The following RARB variants were observed in gnomAD, a reference collection of about 807,000 sequenced individuals.
RARB encodes the protein HBV-activated protein.
Under a neutral mutation model 51.9 loss-of-function variants are expected in RARB, and 17 were observed. The ratio of observed to expected loss-of-function variants is 0.33; its 90% confidence interval spans 0.22 to 0.49. RARB has a LOEUF of 0.49. Ranked by LOEUF, RARB falls within the 20% of genes least tolerant of loss-of-function variation. The pLI, the probability that RARB is intolerant of heterozygous loss-of-function variation, is 0.99. For missense variants in RARB, 369 were observed against 550.8 expected (o/e 0.67, Z 3.30); for synonymous variants, 215 against 195.4 (o/e 1.10, Z -0.84).
At chr3:25,357,230 C>G (rs144478167) in intron 5 of RARB, among the ~76,000 whole-genome samples, 8 of 152,164 alleles carry the variant, frequency 5.3e-5, no homozygotes, top group Non-Finnish European at 1.2e-4. Context: ...GATGGTATCT[C>G]ATTGTGGTTT....
intron 2 of RARB, among the ~76,000 whole-genome samples, chr3:24,863,722 T>A (rs1012539409): frequency 3.3e-5 from 5 of 151,792 alleles, no homozygotes; most frequent in Non-Finnish European, 5.9e-5. Context: ...TTTTTTTTTT[T>A]AAAGGAATGC....
intron 5 of RARB, among the ~76,000 whole-genome samples, chr3:25,414,862 A>G (rs764560322): frequency 1.3e-5 from 2 of 152,222 alleles, no homozygotes; most frequent in East Asian, 3.9e-4. Flanking sequence ...ATTTTTTGAG[A>G]TGGAATTTTG....
At chr3:24,924,588 C>G (rs906033180) in intron 2 of RARB, among the ~76,000 whole-genome samples, 6 of 152,078 alleles carry the variant, frequency 3.9e-5, no homozygotes, top group Non-Finnish European at 7.4e-5. Context: ...CAGCATAGCT[C>G]TATGAATATT....
intron 4 of RARB, among the ~76,000 whole-genome samples, chr3:25,576,510 G>A (rs1311765505): frequency 6.6e-6 from 1 of 152,186 alleles, no homozygotes; most frequent in East Asian, 1.9e-4. Flanking sequence ...AACCCCAGGA[G>A]TGAAGGGGCT....
intron 2 of RARB, among the ~76,000 whole-genome samples, chr3:24,978,294 T>G (rs955237636): frequency 6.6e-6 from 1 of 152,184 alleles, no homozygotes. Context: ...GAATTCCCTC[T>G]TTTTCTGTTG....
intron 5 of RARB, among the ~76,000 whole-genome samples, chr3:25,421,196 CA>C (rs1384454142): frequency 6.6e-6 from 1 of 151,788 alleles, no homozygotes; most frequent in Non-Finnish European, 1.5e-5. Flanking sequence ...TAGGTATATG[CA>C]GCAAATTCTC....
At chr3:25,247,308 C>G (rs975680893) in intron 5 of RARB, among the ~76,000 whole-genome samples, 1 of 152,218 alleles carries the variant, frequency 6.6e-6, no homozygotes, top group Non-Finnish European at 1.5e-5. Context: ...CTGTCTTCAG[C>G]CCCTTTTCCA....
intron 5 of RARB, among the ~76,000 whole-genome samples, chr3:25,417,777 G>A (rs200710752): frequency 3.3e-5 from 5 of 152,194 alleles, no homozygotes; most frequent in Admixed American, 1.3e-4. Context: ...AAATTAGAGA[G>A]TTGATTAATT....
At chr3:25,011,983 A>G (rs1323445570) in intron 2 of RARB, among the ~76,000 whole-genome samples, 1 of 152,140 alleles carries the variant, frequency 6.6e-6, no homozygotes, top group Non-Finnish European at 1.5e-5. Context: ...AACAGGGCAG[A>G]CAGGACTGAC....
chr3:24,912,665 C>A (rs1159582751), intron 2 of RARB, among the ~76,000 whole-genome samples: 1 of 152,070 alleles, frequency 6.6e-6, no homozygotes, highest in Non-Finnish European at 1.5e-5. Flanking sequence ...TAGAAGAAGC[C>A]ACTATTTCTC....
chr3:24,979,341 A>G (rs1007164786), intron 2 of RARB, among the ~76,000 whole-genome samples: 1 of 151,766 alleles, frequency 6.6e-6, no homozygotes, highest in Admixed American at 6.6e-5. Flanking sequence ...TGTGTGTGTT[A>G]AAGTCTCTCA....
rs114692597 is a variant in RARB, at chr3:25,128,887, A to G, written c.-327-3274A>G. ...TCAATGAGTGAATCAATAGAAAATTAGAATCTGTCGAAGAGAGGATTAGTT... is the reference window on the plus strand; with the variant it reads ...TCAATGAGTGAATCAATAGAAAATTGGAATCTGTCGAAGAGAGGATTAGTT... On this transcript the variant is annotated intron_variant, in intron 3 of 11. Transcript: ENST00000383772. Among the ~76,000 whole-genome samples, 604 of 152,288 alleles carry G rather than the reference A, an allele frequency of 4.0e-3. 7 individuals carry two copies. Among genetic ancestry groups the G allele is most frequent in the African/African-American group, 0.012 (516 of 41,580 alleles).
At chr3:25,388,032 A>G (rs558260930) in intron 5 of RARB, among the ~76,000 whole-genome samples, 5 of 137,588 alleles carry the variant, frequency 3.6e-5, no homozygotes, top group South Asian at 2.6e-4. Context: ...CACTAAGAAC[A>G]TAAGGCTAGG....
rs1452296335 is a variant in RARB at position 25,473,594 on chromosome 3, A to G, written c.306+12253A>G. Among the ~76,000 whole-genome samples the G allele has an allele frequency of 2.0e-5, 3 of 152,294 alleles. No homozygotes were observed. In the East Asian group the frequency reaches 5.8e-4, roughly 29 times the overall value. ...AGGCTTTATAAATGTTCAAGGTAGA[A>G]CTGTTTTTATAAAGCTTGTCACCAA... On this transcript the variant is annotated intron_variant, in intron 2 of 7. Transcript: ENST00000330688.
chr3:24,905,832 C>T (rs2363519), intron 2 of RARB, among the ~76,000 whole-genome samples: 150,780 of 152,354 alleles, frequency 0.99, 74,619 homozygotes, highest in Middle Eastern at 1. Context: ...ACATATTATC[C>T]AGTCAGATTT....
At chr3:25,090,167 G>A (rs1699171639) in intron 3 of RARB, among the ~76,000 whole-genome samples, 1 of 152,078 alleles carries the variant, frequency 6.6e-6, no homozygotes, top group African/African-American at 2.4e-5. Flanking sequence ...AGCTCTGAGG[G>A]AGCTAGCTTA....
chr3:24,943,868 G>A (rs889840140), intron 2 of RARB, among the ~76,000 whole-genome samples: 2 of 152,140 alleles, frequency 1.3e-5, no homozygotes, highest in African/African-American at 4.8e-5. Flanking sequence ...TGTCATGGAG[G>A]CTGAAGACTT....
intron 4 of RARB, among the ~76,000 whole-genome samples, chr3:25,139,893 A>T (rs1483724762): frequency 1.3e-5 from 2 of 152,166 alleles, no homozygotes; most frequent in African/African-American, 4.8e-5. Flanking sequence ...TAATTATGCA[A>T]ACTTTACTGT....
At chr3:25,451,056 C>G (rs1435552727) in intron 1 of RARB, among the ~76,000 whole-genome samples, 1 of 152,110 alleles carries the variant, frequency 6.6e-6, no homozygotes, top group East Asian at 1.9e-4. Flanking sequence ...CATGGCATGG[C>G]TGCCCATGCC....
Sources: allele counts gnomAD v4.1 joint callset (sites outside exome capture counted in the v4.1 genomes callset), GRCh38; gene constraint gnomAD v4.1.1; transcripts MANE v1.5; gene names NCBI Gene and HGNC (gene_info 2026-07-23, HGNC 2026-07-21).